NGEF: variants seen among roughly 807,000 people sequenced by gnomAD.
The protein encoded by NGEF is neuronal guanine nucleotide exchange factor.
NGEF carries 31 observed loss-of-function variants against 80.9 expected under a neutral mutation model. The observed-to-expected ratio is 0.38, with a 90% confidence interval of 0.29 to 0.52. The LOEUF (loss-of-function observed/expected upper bound fraction) is 0.52, where lower values mean the gene tolerates loss of function less well. NGEF is among the 20% of genes least tolerant of loss of function. NGEF has a pLI of 0.84. For missense variants in NGEF, 709 were observed against 926.2 expected, an observed-to-expected ratio of 0.77 and a Z score of 3.04; for synonymous variants, 371 against 370.2, an observed-to-expected ratio of 1.00 and a Z score of -0.03.
chr2:232,982,589 C>T (rs963499334), intron 1 of NGEF, among the ~76,000 whole-genome samples: 5 of 152,194 alleles, frequency 3.3e-5, no homozygotes, highest in Admixed American at 3.3e-4. Flanking sequence ...TCTCAGCTAA[C>T]TGCAACCTCC....
intron 3 of NGEF, among the ~76,000 whole-genome samples, chr2:232,954,147 G>A (rs1238044411): frequency 6.6e-6 from 1 of 152,164 alleles, no homozygotes; most frequent in African/African-American, 2.4e-5. Flanking sequence ...AACTACGGGG[G>A]TATCTTTTAC....
At position 232,928,923 on chromosome 2, in the gene NGEF, G is replaced by A. The variant is rs144517049; in HGVS notation, c.384-1737C>T. ...GCAGAAAGGACAGTCGGAAGAGCGA[G>A]GCCTGGAGGTGCCTACGGGCCGAGC... On this transcript the variant is annotated intron_variant, in intron 3 of 14. Coordinates refer to ENST00000264051, the MANE Select transcript of NGEF (RefSeq NM_019850.3). Among the ~76,000 whole-genome samples the A allele has an allele frequency of 2.4e-3, 372 of 152,200 alleles. 5 individuals are homozygous for A. Among genetic ancestry groups the A allele is most frequent in the African/African-American group, 8.6e-3 (359 of 41,522 alleles).
intron 3 of NGEF, among the ~76,000 whole-genome samples, chr2:232,964,048 C>G (rs2106316135): frequency 6.6e-6 from 1 of 152,284 alleles, no homozygotes; most frequent in Admixed American, 6.5e-5. Flanking sequence ...TGAGAAACCA[C>G]AATACAGTAA....
At position 232,896,990 on chromosome 2, in the gene NGEF, G is replaced by A. The variant is rs1408388820; in HGVS notation, c.829-2074C>T. Reference sequence around the variant, plus strand: ...GGGTAGTGGTGGGGTTAAGGGTGAGGTAGGGGTGCGGGTGAGGGTAGGGGC... The same window carrying A: ...GGGTAGTGGTGGGGTTAAGGGTGAGATAGGGGTGCGGGTGAGGGTAGGGGC... On this transcript the variant is annotated intron_variant, in intron 5 of 14. Coordinates refer to ENST00000264051, the MANE Select transcript of NGEF (RefSeq NM_019850.3). 2.0e-4 allele frequency among the ~76,000 whole-genome samples: 26 copies of A among 132,120 alleles called. No individual in the cohort carries two copies. In the East Asian group the frequency reaches 2.8e-3, roughly 14 times the overall value. 86.7% of individuals were successfully genotyped at this position (132,120 alleles called of 152,430 possible).
At chr2:232,955,013 C>T (rs1693768114) in intron 3 of NGEF, among the ~76,000 whole-genome samples, 1 of 151,962 alleles carries the variant, frequency 6.6e-6, no homozygotes, top group African/African-American at 2.4e-5. Flanking sequence ...CGTAATACGC[C>T]TATTCATATT....
chr2:232,960,941 T>C (rs950201822), intron 3 of NGEF, among the ~76,000 whole-genome samples: 2 of 152,152 alleles, frequency 1.3e-5, no homozygotes, highest in African/African-American at 4.8e-5. Flanking sequence ...TAAAGGTGCT[T>C]GACATATGTA....
At chr2:232,913,370 T>C (rs1025729614) in intron 5 of NGEF, among the ~76,000 whole-genome samples, 1 of 152,214 alleles carries the variant, frequency 6.6e-6, no homozygotes, top group African/African-American at 2.4e-5. Flanking sequence ...TTCAATTCTT[T>C]TCAGTGTGTT....
At chr2:232,917,353 G>C (rs888888895) in intron 5 of NGEF, among the ~76,000 whole-genome samples, 2 of 152,208 alleles carry the variant, frequency 1.3e-5, no homozygotes, top group Admixed American at 1.3e-4. Flanking sequence ...AATAGATAAA[G>C]CTGGTCCTCC....
chr2:232,900,620 ACGCTCT>A, intron 5 of NGEF, among the ~76,000 whole-genome samples: 1 of 145,452 alleles, frequency 6.9e-6, no homozygotes, highest in Non-Finnish European at 1.5e-5. Flanking sequence ...ACATACACAC[ACGCTCT>A]CACAGTCACT....
At chr2:232,984,738 G>GC (rs1214747914) in intron 1 of NGEF, among the ~76,000 whole-genome samples, 1 of 152,188 alleles carries the variant, frequency 6.6e-6, no homozygotes, top group Non-Finnish European at 1.5e-5. Context: ...CAGGCATTAG[G>GC]CAGGGCAGGG....
intron 6 of NGEF, 150 bp downstream of exon 6, chr2:232,894,605 AG>A: frequency 1.2e-6 from 1 of 859,018 alleles, no homozygotes. Flanking sequence ...GTTTGGATTT[AG>A]TTCTTCATTT....
chr2:232,934,258 A>G lies in NGEF; in HGVS notation c.384-7072T>C, dbSNP rs78089584. Among the ~76,000 whole-genome samples the G allele has an allele frequency of 1.3e-3, 193 of 150,116 alleles. 1 individual carries two copies. Among genetic ancestry groups the G allele is most frequent in the African/African-American group, 4.1e-3 (168 of 41,068 alleles). On this transcript the variant is annotated intron_variant, in intron 3 of 14. Coordinates refer to ENST00000264051, the MANE Select transcript of NGEF (RefSeq NM_019850.3). ...CTGCATCTCAAAAAAAAAAAAAAAA[A>G]AAAGAAAGAGAAAGAAAAACACTCT... is the stretch of plus-strand genomic sequence containing the variant.
At chr2:232,898,409 C>A (rs939629291) in intron 5 of NGEF, among the ~76,000 whole-genome samples, 2 of 152,200 alleles carry the variant, frequency 1.3e-5, no homozygotes, top group African/African-American at 4.8e-5. Flanking sequence ...CAGCTGTGGG[C>A]CTTGGCCTGA....
rs985952813 is a variant in NGEF, at chr2:232,940,096, C to T, written c.384-12910G>A. Among the ~76,000 whole-genome samples, 15 of 152,164 alleles carry T rather than the reference C, an allele frequency of 9.9e-5. No homozygotes were observed. In the South Asian group the frequency reaches 2.9e-3, roughly 30 times the overall value. On this transcript the variant is annotated intron_variant, in intron 3 of 14. Transcript: ENST00000264051. ...TGTTTGAGACACAGGTGTGACGTGC[C>T]ACTAAAATCCTTGTTTCTGGGTCCT...
At chr2:232,927,576 C>G (rs868698157) in intron 3 of NGEF, among the ~76,000 whole-genome samples, 13 of 152,118 alleles carry the variant, frequency 8.5e-5, no homozygotes, top group Non-Finnish European at 1.3e-4. Context: ...TTTCGGACTC[C>G]GATCCTCCCG....
At chr2:233,004,160 C>T (rs981539414) in intron 1 of NGEF, among the ~76,000 whole-genome samples, 49 of 152,138 alleles carry the variant, frequency 3.2e-4, no homozygotes, top group African/African-American at 1.2e-3. Context: ...TGTCCTTGTA[C>T]CCAAGGTCCT....
At chr2:232,999,806 G>C (rs894085403) in intron 1 of NGEF, among the ~76,000 whole-genome samples, 4 of 152,208 alleles carry the variant, frequency 2.6e-5, no homozygotes, top group Non-Finnish European at 4.4e-5. Context: ...TATGTGCAGG[G>C]GCTGGCATGA....
intron 3 of NGEF, among the ~76,000 whole-genome samples, chr2:232,942,871 G>A (rs1271761974): frequency 7.5e-6 from 1 of 132,566 alleles, no homozygotes; most frequent in African/African-American, 2.7e-5. Context: ...TTTTCCGGGG[G>A]GGAGTCAGTT....
At chr2:232,905,440 C>T (rs1459319004) in intron 5 of NGEF, among the ~76,000 whole-genome samples, 1 of 152,096 alleles carries the variant, frequency 6.6e-6, no homozygotes, top group African/African-American at 2.4e-5. Context: ...GTGGCGTGAT[C>T]TCGGCTCGCT....
Sources: gnomAD v4.1 joint callset for allele counts (sites outside exome capture counted in the v4.1 genomes callset) on GRCh38, gnomAD v4.1.1 for gene constraint, MANE v1.5 for transcripts, NCBI Gene and HGNC (gene_info 2026-07-23, HGNC 2026-07-21) for gene names.